PKP1: variants seen among roughly 807,000 people sequenced by gnomAD.
PKP1 encodes the protein plakophilin-1.
In PKP1, 27 loss-of-function variants were observed where a neutral mutation model predicts 76.4. That is an observed-to-expected ratio of 0.35 (90% CI 0.26 to 0.49). The LOEUF (loss-of-function observed/expected upper bound fraction) is 0.49. PKP1 is among the 20% of genes least tolerant of loss of function. The pLI is 0.99. For missense variants in PKP1, 964 were observed against 955.2 expected (o/e 1.01, Z -0.12); for synonymous variants, 404 against 384.2 (o/e 1.05, Z -0.60).
chr1:201,296,536 C>T (rs1179018785), intron 2 of PKP1, among the ~76,000 whole-genome samples: 6 of 152,178 alleles, frequency 3.9e-5, no homozygotes, highest in African/African-American at 1.2e-4. Flanking sequence ...TCATTTGCTG[C>T]AGATACTTTA....
chr1:201,325,971 AGCGTCTAC>A (rs1172489247), intron 12 of PKP1, 133 bp downstream of exon 12: 2 of 699,518 alleles, frequency 2.9e-6, no homozygotes, highest in Non-Finnish European at 5.3e-6. Flanking sequence ...AGACAAAGAC[AGCGTCTAC>A]GTGAAAATGA....
chr1:201,323,103 C>T lies in PKP1; in HGVS notation c.1594C>T (p.Leu532=), dbSNP rs746104228. The T allele has an allele frequency of 1.2e-6, 2 of 1,614,192 alleles. No homozygotes were observed. Among genetic ancestry groups the T allele is most frequent in the Non-Finnish European group, 1.7e-6 (2 of 1,180,022 alleles). The change falls in exon 9 of 14, where the codon CTG becomes TTG. Residue 532 remains leucine, a synonymous_variant. Coordinates refer to ENST00000367324, the MANE Select transcript of PKP1 (RefSeq NM_001005337.3). ...LYHSDAIRTY[L]NLMGKSKKDA... ...CCATTCAGATGCCATCCGCACCTACCTGAACCTCATGGGCAAGAGCAAGAA... is the reference window on the plus strand; with the variant it reads ...CCATTCAGATGCCATCCGCACCTACTTGAACCTCATGGGCAAGAGCAAGAA...
In PKP1 at chr1:201,325,825, G is replaced by C; in HGVS notation, c.2093G>C (p.Gly698Ala). The C allele has an allele frequency of 6.2e-7, 1 of 1,613,590 alleles. No individual in the cohort carries two copies. The highest frequency in any genetic ancestry group is 1.3e-5 in the African/African-American group (1 of 75,048). Reference protein sequence around the residue: ...SDMWSSKELQGVLRQQGFDRN... With the variant: ...SDMWSSKELQAVLRQQGFDRN... ...ATGTGGTCCAGCAAGGAACTGCAGG[G>C]TGTCCTCAGACAGGTAAGAGCCCAG... Residue 698 changes from glycine to alanine, a missense_variant, in exon 12 of 14, where the codon GGT becomes GCT. Coordinates refer to ENST00000367324, the MANE Select transcript of PKP1 (RefSeq NM_001005337.3).
At chr1:201,314,645 G>T (rs1483379746) in intron 3 of PKP1, among the ~76,000 whole-genome samples, 3 of 152,230 alleles carry the variant, frequency 2.0e-5, no homozygotes, top group Non-Finnish European at 4.4e-5. Context: ...GAGGTGTCGT[G>T]AGTGACACTG....
rs146023300 is a variant in PKP1 at position 201,311,275 on chromosome 1, C to T, written c.307-1891C>T. Among the ~76,000 whole-genome samples the T allele has an allele frequency of 1.8e-3, 281 of 152,330 alleles. 1 individual carries two copies. Among genetic ancestry groups the T allele is most frequent in the African/African-American group, 6.3e-3 (260 of 41,570 alleles). ...TAATCTGCAGGACACGCATTCCATA[C>T]CCAGATGCTCAGAAAATTGCCCAGC... On this transcript the variant is annotated intron_variant, in intron 2 of 13. Coordinates refer to ENST00000367324, the MANE Select transcript of PKP1 (RefSeq NM_001005337.3).
intron 7 of PKP1, among the ~76,000 whole-genome samples, chr1:201,321,429 G>A (rs1656935839): frequency 1.3e-5 from 2 of 152,124 alleles, no homozygotes; most frequent in Admixed American, 1.3e-4. Context: ...GAAGCCCTGG[G>A]CTCCAGGTGT....
At chr1:201,302,768 C>G (rs1367754128) in intron 2 of PKP1, among the ~76,000 whole-genome samples, 1 of 152,232 alleles carries the variant, frequency 6.6e-6, no homozygotes, top group Non-Finnish European at 1.5e-5. Flanking sequence ...CCCGCCCCCA[C>G]AGCGTGCCCA....
intron 12 of PKP1, among the ~76,000 whole-genome samples, chr1:201,327,369 T>C (rs569110485): frequency 6.6e-6 from 1 of 152,280 alleles, no homozygotes; most frequent in Non-Finnish European, 1.5e-5. Flanking sequence ...GGGAGACTCA[T>C]GAACGCACGG....
chr1:201,325,906 C>T (rs956643725), intron 12 of PKP1, 68 bp downstream of exon 12: 1 of 1,184,770 alleles, frequency 8.4e-7, no homozygotes. Flanking sequence ...CTGGCATATG[C>T]TGGGCTCTGG....
chr1:201,304,964 C>A (rs566546247), intron 2 of PKP1, among the ~76,000 whole-genome samples: 21 of 152,236 alleles, frequency 1.4e-4, no homozygotes, highest in African/African-American at 5.1e-4. Context: ...AGGTGATGAA[C>A]GGGGAAGCCC....
rs1655634305 is a variant in PKP1, at chr1:201,283,541, A to G, written c.-162A>G. 1.4e-6 allele frequency: 1 copy of G among 697,434 alleles called. No individual in the cohort carries two copies. The highest frequency in any genetic ancestry group is 2.7e-5 in the East Asian group (1 of 36,922). 43.2% of individuals were successfully genotyped at this position (697,434 alleles called of 1,614,324 possible). On this transcript the variant is annotated 5_prime_UTR_variant, in exon 1 of 14. Coordinates refer to ENST00000367324, the MANE Select transcript of PKP1 (RefSeq NM_001005337.3). ...AGGGACGAACCAGGGTGGAAGCGCC[A>G]GGAGCAGCTGCAGGGAGCCCTCACG... is the stretch of plus-strand genomic sequence containing the variant.
chr1:201,325,804 G>T lies in PKP1; in HGVS notation c.2072G>T (p.Trp691Leu), dbSNP rs1460695967. 6.2e-7 allele frequency: 1 copy of T among 1,613,930 alleles called. No individual in the cohort carries two copies. Among genetic ancestry groups the T allele is most frequent in the Non-Finnish European group, 8.5e-7 (1 of 1,179,962 alleles). Residue 691 changes from tryptophan (W) to leucine (L), a missense_variant, in exon 12 of 14, where the codon TGG becomes TTG. Physicochemically the swap from Trp to Leu is moderately conservative, Grantham distance 61. Transcript: ENST00000367324. ...GCCCGGCTTCTCCTGTCTGACATGT[G>T]GTCCAGCAAGGAACTGCAGGGTGTC... ...EAARLLLSDM[W>L]SSKELQGVLR...
chr1:201,294,030 C>G lies in PKP1; in HGVS notation c.291C>G (p.Gly97=), dbSNP rs142121267. 6.2e-7 allele frequency: 1 copy of G among 1,609,906 alleles called. No individual in the cohort carries two copies. The highest frequency in any genetic ancestry group is 1.3e-5 in the African/African-American group (1 of 74,934). The change falls in exon 2 of 14, where the codon GGC becomes GGG. Residue 97 remains glycine (G), a synonymous_variant. Transcript: ENST00000367324. The part of the protein sequence containing the change: ...SYYSKFQAGN[G]SWGYPIYNGT... ...ACTCCAAGTTCCAGGCAGGGAATGGCTCATGGGGATATCCGGTAAGGAACT... is the reference window on the plus strand; with the variant it reads ...ACTCCAAGTTCCAGGCAGGGAATGGGTCATGGGGATATCCGGTAAGGAACT...
rs781634779 is a variant in PKP1, at chr1:201,323,099, C to T, written c.1590C>T (p.Thr530=). Residue 530 remains threonine, a synonymous_variant, in exon 9 of 14, where the codon ACC becomes ACT. Transcript: ENST00000367324. ...GWLYHSDAIR[T]YLNLMGKSKK... is the part of the protein sequence containing the mutation. ...TGTACCATTCAGATGCCATCCGCAC[C>T]TACCTGAACCTCATGGGCAAGAGCA... 1 of 1,614,204 alleles carries T rather than the reference C, an allele frequency of 6.2e-7. No homozygotes were observed. Among genetic ancestry groups the T allele is most frequent in the Non-Finnish European group, 8.5e-7 (1 of 1,180,018 alleles).
At position 201,313,449 on chromosome 1, in the gene PKP1, A is replaced by G. The variant is rs1380539394; in HGVS notation, c.590A>G (p.Lys197Arg). Residue 197 changes from lysine (K) to arginine (R), a missense_variant, in exon 3 of 14, where the codon AAG becomes AGG. Transcript: ENST00000367324. ...YSTCSGQKAI[K>R]KCPVRPPSCA... is the part of the protein sequence containing the mutation. Reference sequence around the variant, plus strand: ...ACCTGCAGTGGTCAGAAGGCCATAAAGAAGTGCCCTGTGCGCCCGCCCTCT... The same window carrying G: ...ACCTGCAGTGGTCAGAAGGCCATAAGGAAGTGCCCTGTGCGCCCGCCCTCT... 6.2e-7 allele frequency: 1 copy of G among 1,608,132 alleles called. No individual in the cohort carries two copies.
chr1:201,323,234 A>AG (rs1657003613), intron 9 of PKP1, 45 bp downstream of exon 9: 4 of 1,579,332 alleles, frequency 2.5e-6, no homozygotes, highest in Non-Finnish European at 3.5e-6. Context: ...CCCATCCTCC[A>AG]GCCACCGTCC....
chr1:201,325,690 A>G, intron 11 of PKP1, 64 bp from the exon 12 acceptor site: 1 of 1,226,114 alleles, frequency 8.2e-7, no homozygotes, highest in East Asian at 2.3e-5. Flanking sequence ...GTGGGAGGGA[A>G]GAGGGTGCTC....
At chr1:201,316,785 C>CAT in intron 4 of PKP1, 88 bp downstream of exon 4, 1 of 1,426,394 alleles carries the variant, frequency 7.0e-7, no homozygotes, top group Non-Finnish European at 9.8e-7. Context: ...TGGGTGAGGG[C>CAT]ATCTGCAGTT....
intron 2 of PKP1, among the ~76,000 whole-genome samples, chr1:201,301,400 C>T (rs1056743170): frequency 2.0e-5 from 3 of 152,216 alleles, no homozygotes; most frequent in African/African-American, 2.4e-5. Context: ...CTTCCTTTAG[C>T]TTCACTAATC....
Sources: gnomAD v4.1 joint callset for allele counts (sites outside exome capture counted in the v4.1 genomes callset) on GRCh38, gnomAD v4.1.1 for gene constraint, MANE v1.5 for transcripts, NCBI Gene and HGNC (gene_info 2026-07-23, HGNC 2026-07-21) for gene names.